Variants in OR6B1 observed in about 807,000 individuals in gnomAD.
OR6B1 encodes the protein olfactory receptor 6B1.
OR6B1 carries 15 observed loss-of-function variants against 15.4 expected under a neutral mutation model. That is an observed-to-expected ratio of 0.97 (90% CI 0.65 to 1.50). OR6B1 has a LOEUF of 1.50. Among genes scored for constraint, OR6B1 ranks in the 40% most tolerant of loss-of-function variants. The pLI, the probability that OR6B1 is intolerant of heterozygous loss-of-function variation, is 0.00. For missense variants in OR6B1, 384 were observed against 385.0 expected (o/e 1.00, Z 0.02); for synonymous variants, 139 against 144.9 (o/e 0.96, Z 0.29).
Position 144,006,617 on chromosome 7 carries a change from C to T in OR6B1, c.*1685C>T, listed in dbSNP as rs1296017828. ...AGACACACAAAAAAGAGATTATTTT[C>T]TGAAAACTTCAAATGAATCAAAATA... On this transcript the variant is annotated 3_prime_UTR_variant, in exon 2 of 2. Coordinates refer to ENST00000641698, the MANE Select transcript of OR6B1 (RefSeq NM_001005281.3). 1 of 152,062 alleles carries T rather than the reference C, an allele frequency of 6.6e-6. No individual in the cohort carries two copies. Among genetic ancestry groups the T allele is most frequent in the Non-Finnish European group, 1.5e-5 (1 of 68,004 alleles). 9.4% of individuals were successfully genotyped at this position (152,062 alleles called of 1,614,324 possible).
chr7:144,004,848 C>T lies in OR6B1; in HGVS notation c.852C>T (p.Asn284=), dbSNP rs779810492. ...ATGCCATTGTCACTCCTTCTCTCAA[C>T]CCTTTCATTTATTGCCTAAGAAACC... ...IFYAIVTPSL[N]PFIYCLRNRE... The change falls in exon 2 of 2, where the codon AAC becomes AAT. Residue 284 remains asparagine (N), a synonymous_variant. Coordinates refer to ENST00000641698, the MANE Select transcript of OR6B1 (RefSeq NM_001005281.3). 6.2e-7 allele frequency: 1 copy of T among 1,613,440 alleles called. No individual in the cohort carries two copies. Among genetic ancestry groups the T allele is most frequent in the East Asian group, 2.2e-5 (1 of 44,886 alleles).
Position 144,004,502 on chromosome 7 carries a change from G to A in OR6B1, c.506G>A (p.Cys169Tyr). The A allele has an allele frequency of 6.2e-7, 1 of 1,614,154 alleles. No homozygotes were observed. Among genetic ancestry groups the A allele is most frequent in the South Asian group, 1.1e-5 (1 of 91,080 alleles). ...TACTTCATCTCCTGCCTCAGCTTCT[G>A]TGGTCCCAATGTCATCAACCACTTC... ...KIYFISCLSF[C>Y]GPNVINHFFC... The change falls in exon 2 of 2, where the codon TGT (cysteine) becomes TAT (tyrosine). Residue 169 changes from cysteine to tyrosine, a missense_variant. By Grantham distance (194) the Cys-to-Tyr change is radical. Transcript: ENST00000641698.
In OR6B1 at chr7:144,004,899, A is replaced by G. The variant is rs371033260; in HGVS notation, c.903A>G (p.Lys301=). The G allele has an allele frequency of 7.8e-5, 126 of 1,607,640 alleles. No individual in the cohort carries two copies. Among genetic ancestry groups the G allele is most frequent in the Middle Eastern group, 1.6e-4 (1 of 6,076 alleles). Residue 301 remains lysine, a synonymous_variant, in exon 2 of 2, where the codon AAA becomes AAG. Coordinates refer to ENST00000641698, the MANE Select transcript of OR6B1 (RefSeq NM_001005281.3). ...GAGAGGTCAAGGAAGCTCTGAAGAAACTGGCATATTGCCAGGCCAGCAGAT... is the reference window on the plus strand; with the variant it reads ...GAGAGGTCAAGGAAGCTCTGAAGAAGCTGGCATATTGCCAGGCCAGCAGAT... The part of the protein sequence containing the change: ...RNREVKEALK[K]LAYCQASRSD
intron 1 of OR6B1, among the ~76,000 whole-genome samples, chr7:144,000,946 C>T (rs1274315607): frequency 2.6e-5 from 4 of 152,180 alleles, no homozygotes; most frequent in Admixed American, 2.6e-4. Context: ...CTACCATTGA[C>T]CCGATGACCT....
rs945368589 is a variant in OR6B1 at position 144,005,954 on chromosome 7, A to C, written c.*1022A>C. 1 of 152,214 alleles carries C rather than the reference A, an allele frequency of 6.6e-6. No individual in the cohort carries two copies. Among genetic ancestry groups the C allele is most frequent in the Non-Finnish European group, 1.5e-5 (1 of 68,038 alleles). The allele number at this position is 152,214 out of a possible 1,614,324, so 9.4% of individuals were successfully genotyped here. On this transcript the variant is annotated 3_prime_UTR_variant, in exon 2 of 2. Transcript: ENST00000641698. Reference sequence around the variant, plus strand: ...CTTGCTCTTGGTTCATAGTTTTGCCATTGGCAAAGGGAGATATATTTTTAA... The same window carrying C: ...CTTGCTCTTGGTTCATAGTTTTGCCCTTGGCAAAGGGAGATATATTTTTAA...
chr7:144,001,781 T>C (rs887008346), intron 1 of OR6B1, among the ~76,000 whole-genome samples: 1 of 152,180 alleles, frequency 6.6e-6, no homozygotes, highest in African/African-American at 2.4e-5. Context: ...TTCCTGAAAA[T>C]TTCAAACTGT....
intron 1 of OR6B1, among the ~76,000 whole-genome samples, chr7:144,001,114 A>G (rs2050582683): frequency 6.6e-6 from 1 of 152,212 alleles, no homozygotes; most frequent in South Asian, 2.1e-4. Context: ...AAAGTTGGGG[A>G]AAAGTGCATA....
Position 144,007,999 on chromosome 7 carries a change from C to G in OR6B1, c.*3067C>G, listed in dbSNP as rs542189283. 6.6e-6 allele frequency: 1 copy of G among 152,170 alleles called. No homozygotes were observed. Among genetic ancestry groups the G allele is most frequent in the East Asian group, 1.9e-4 (1 of 5,182 alleles). 9.4% of individuals were successfully genotyped at this position (152,170 alleles called of 1,614,324 possible). On this transcript the variant is annotated 3_prime_UTR_variant, in exon 2 of 2. Transcript: ENST00000641698. ...ACAAGCCAAGAAATACCTTGGGCCA[C>G]CAGAAGCTGGAAGATATAAGTAATG...
Position 144,007,667 on chromosome 7 carries a change from A to G in OR6B1, c.*2735A>G, listed in dbSNP as rs1364577144. ...TTGTGAGCAGAAACAGATAGCAGAT[A>G]ATACCTTTGTGTGTGTGTGTGTGTG... On this transcript the variant is annotated 3_prime_UTR_variant, in exon 2 of 2. Transcript: ENST00000641698. 1 of 138,618 alleles carries G rather than the reference A, an allele frequency of 7.2e-6. No homozygotes were observed. Among genetic ancestry groups the G allele is most frequent in the Non-Finnish European group, 1.6e-5 (1 of 63,766 alleles). 8.6% of individuals were successfully genotyped at this position (138,618 alleles called of 1,614,324 possible).
In OR6B1 at chr7:144,004,168, C is replaced by G. The variant is rs367960059; in HGVS notation, c.172C>G (p.Pro58Ala). The change falls in exon 2 of 2, where the codon CCT (proline) becomes GCT (alanine). Residue 58 changes from proline to alanine, a missense_variant. Pro to Ala is a conservative substitution (Grantham distance 27, BLOSUM62 -1). Transcript: ENST00000641698. ...LVLQNRPLHK[P>A]MYFFLANLSF... Reference sequence around the variant, plus strand: ...GCTGCAAAATCGGCCACTGCACAAGCCTATGTACTTCTTCCTGGCCAACCT... The same window carrying G: ...GCTGCAAAATCGGCCACTGCACAAGGCTATGTACTTCTTCCTGGCCAACCT... The G allele has an allele frequency of 4.3e-6, 7 of 1,614,066 alleles. No homozygotes were observed. Among genetic ancestry groups the G allele is most frequent in the Non-Finnish European group, 5.1e-6 (6 of 1,180,030 alleles).
chr7:144,004,676 G>T lies in OR6B1; in HGVS notation c.680G>T (p.Cys227Phe). 2 of 1,614,124 alleles carry T rather than the reference G, an allele frequency of 1.2e-6. No individual in the cohort carries two copies. The highest frequency in any genetic ancestry group is 1.7e-6 in the Non-Finnish European group (2 of 1,180,002). Residue 227 changes from cysteine (C) to phenylalanine (F), a missense_variant, in exon 2 of 2, where the codon TGC (cysteine) becomes TTC (phenylalanine). Coordinates refer to ENST00000641698, the MANE Select transcript of OR6B1 (RefSeq NM_001005281.3). Reference sequence around the variant, plus strand: ...GGATGCATTCTGGCCACCATATTATGCATGCCCACAGGAAAGCAGAAAGCG... The same window carrying T: ...GGATGCATTCTGGCCACCATATTATTCATGCCCACAGGAAAGCAGAAAGCG... Reference protein sequence around the residue: ...SYGCILATILCMPTGKQKAFS... With the variant: ...SYGCILATILFMPTGKQKAFS...
At chr7:144,001,085 G>A (rs562373592) in intron 1 of OR6B1, among the ~76,000 whole-genome samples, 23 of 152,310 alleles carry the variant, frequency 1.5e-4, no homozygotes, top group African/African-American at 5.1e-4. Context: ...TGGAACCTAC[G>A]TATGTATAGA....
intron 1 of OR6B1, among the ~76,000 whole-genome samples, chr7:144,003,729 T>A (rs1465214632): frequency 6.6e-6 from 1 of 151,606 alleles, no homozygotes; most frequent in African/African-American, 2.4e-5. Context: ...AGTTACTTAA[T>A]TCCTCTCCAA....
Position 144,004,298 on chromosome 7 carries a change from T to C in OR6B1, c.302T>C (p.Leu101Pro), listed in dbSNP as rs779992974. 8 of 1,614,250 alleles carry C rather than the reference T, an allele frequency of 5.0e-6. No individual in the cohort carries two copies. In the East Asian group the frequency reaches 1.1e-4, roughly 22 times the overall value. ...TCTTTCACACTCTGTATGATACAAC[T>C]GTACTTCTTCATTGCTCTCATGTGC... ...SISFTLCMIQ[L>P]YFFIALMCTE... The change falls in exon 2 of 2, where the codon CTG becomes CCG. Residue 101 changes from leucine (L) to proline (P), a missense_variant. Physicochemically the swap from Leu to Pro is moderately conservative, Grantham distance 98. Transcript: ENST00000641698.
rs2050619136 is a variant in OR6B1 at position 144,005,594 on chromosome 7, A to T, written c.*662A>T. On this transcript the variant is annotated 3_prime_UTR_variant, in exon 2 of 2. Transcript: ENST00000641698. ...GGTGCCACAATGTATCCTTTAGTGG[A>T]TGAACATAAAATAGATGATAAATAA... is the stretch of plus-strand genomic sequence containing the variant. 1 of 152,178 alleles carries T rather than the reference A, an allele frequency of 6.6e-6. No homozygotes were observed. Among genetic ancestry groups the T allele is most frequent in the African/African-American group, 2.4e-5 (1 of 41,432 alleles). The allele number at this position is 152,178 out of a possible 1,614,324, so 9.4% of individuals were successfully genotyped here. A position where few individuals can be genotyped will look rare whatever the true frequency, so the allele number is the denominator to read the frequency against.
rs567626987 is a variant in OR6B1, at chr7:144,006,745, A to G, written c.*1813A>G. 1 of 152,344 alleles carries G rather than the reference A, an allele frequency of 6.6e-6. No individual in the cohort carries two copies. Among genetic ancestry groups the G allele is most frequent in the South Asian group, 2.1e-4 (1 of 4,826 alleles). 9.4% of individuals were successfully genotyped at this position (152,344 alleles called of 1,614,324 possible). A position where few individuals can be genotyped will look rare whatever the true frequency, so the allele number is the denominator to read the frequency against. ...GAAAGATAAAAAAACTCTGGCAATA[A>G]CTTGAATTTTAGCCCTGGATATATA... is the stretch of plus-strand genomic sequence containing the variant. On this transcript the variant is annotated 3_prime_UTR_variant, in exon 2 of 2. Coordinates refer to ENST00000641698, the MANE Select transcript of OR6B1 (RefSeq NM_001005281.3).
intron 1 of OR6B1, among the ~76,000 whole-genome samples, chr7:144,002,686 G>A (rs1033268440): frequency 1.5e-4 from 23 of 152,120 alleles, no homozygotes; most frequent in Admixed American, 8.5e-4. Flanking sequence ...TTTCCATTGC[G>A]TAAATCATAT....
At position 144,004,315 on chromosome 7, in the gene OR6B1, C is replaced by T. The variant is rs1225607974; in HGVS notation, c.319C>T (p.Leu107Phe). The T allele has an allele frequency of 2.5e-6, 4 of 1,614,084 alleles. No individual in the cohort carries two copies. The Admixed American group carries it at 5.0e-5, about 20-fold the overall frequency. Residue 107 changes from leucine to phenylalanine, a missense_variant, in exon 2 of 2, where the codon CTC (leucine) becomes TTC (phenylalanine). Transcript: ENST00000641698. ...GATACAACTGTACTTCTTCATTGCT[C>T]TCATGTGCACAGAATGTGTGCTTCT... ...CMIQLYFFIA[L>F]MCTECVLLAA...
Position 144,005,121 on chromosome 7 carries a change from T to C in OR6B1, c.*189T>C. 1.8e-6 allele frequency: 1 copy of C among 545,608 alleles called. No individual in the cohort carries two copies. The highest frequency in any genetic ancestry group is 3.2e-6 in the Non-Finnish European group (1 of 310,028). 33.8% of individuals were successfully genotyped at this position (545,608 alleles called of 1,614,324 possible). On this transcript the variant is annotated 3_prime_UTR_variant, in exon 2 of 2. Coordinates refer to ENST00000641698, the MANE Select transcript of OR6B1 (RefSeq NM_001005281.3). The stretch of plus-strand genomic sequence containing the variant: ...CAGTGCTCTAAGGCCATACACCTTC[T>C]AGAGAGCTAGAGAAAACAGTTCTCA...
Sources: allele counts gnomAD v4.1 joint callset (sites outside exome capture counted in the v4.1 genomes callset), GRCh38; gene constraint gnomAD v4.1.1; transcripts MANE v1.5; gene names NCBI Gene and HGNC (gene_info 2026-07-23, HGNC 2026-07-21).